The following CAMTA1 variants were observed in gnomAD, a reference collection of about 807,000 sequenced individuals.
CAMTA1 encodes the protein calmodulin binding transcription activator 1.
A neutral mutation model predicts 170.9 loss-of-function variants in CAMTA1; 27 were observed. The ratio of observed to expected loss-of-function variants is 0.16; its 90% confidence interval spans 0.12 to 0.22. CAMTA1 has a LOEUF of 0.22. Among genes scored for constraint, CAMTA1 ranks in the 10% least tolerant of loss-of-function variants. The pLI is 1.00. For synonymous variants in CAMTA1, 833 were observed against 891.5 expected (o/e 0.93, Z 1.17); for missense variants, 1,619 against 2,217.2 (o/e 0.73, Z 5.42).
At chr1:6,993,166 A>G (rs905230309) in intron 3 of CAMTA1, among the ~76,000 whole-genome samples, 3 of 152,160 alleles carry the variant, frequency 2.0e-5, no homozygotes, top group Non-Finnish European at 4.4e-5. Flanking sequence ...CTCCAACTTT[A>G]CTTTTTCAAA....
intron 5 of CAMTA1, among the ~76,000 whole-genome samples, chr1:7,278,210 A>T (rs1046007127): frequency 6.6e-6 from 1 of 152,240 alleles, no homozygotes; most frequent in Admixed American, 6.5e-5. Flanking sequence ...ATTAACAAAC[A>T]TGCCCCACCC....
chr1:7,435,665 A>G lies in CAMTA1; in HGVS notation c.439-32165A>G, dbSNP rs1006557529. ...AGAACCAGGCAGCCTCCTTCTGACC[A>G]GGCAAGGGCTGGCCGCCGTTCTCAT... On this transcript the variant is annotated intron_variant, in intron 5 of 22. Transcript: ENST00000303635. The surrounding 1 kb of genome is among the most constrained non-coding windows in gnomAD (Gnocchi z 4.4). Among the ~76,000 whole-genome samples, 1 of 152,170 alleles carries G rather than the reference A, an allele frequency of 6.6e-6. No individual in the cohort carries two copies. The highest frequency in any genetic ancestry group is 2.4e-5 in the African/African-American group (1 of 41,452).
At chr1:7,569,235 C>CCATCAT (rs1186670932) in intron 6 of CAMTA1, among the ~76,000 whole-genome samples, 4,973 of 149,300 alleles carry the variant, frequency 0.033, 288 homozygotes, top group African/African-American at 0.12. Flanking sequence ...ATCATCATCA[C>CCATCAT]CATCATCATC....
At chr1:7,364,975 G>A (rs929116122) in intron 5 of CAMTA1, among the ~76,000 whole-genome samples, 5 of 152,258 alleles carry the variant, frequency 3.3e-5, no homozygotes, top group African/African-American at 1.2e-4. Flanking sequence ...TGTAGTGGAT[G>A]TCCTTAGGCT....
chr1:7,758,799 G>T (rs2096951874), intron 22 of CAMTA1, among the ~76,000 whole-genome samples: 1 of 151,986 alleles, frequency 6.6e-6, no homozygotes, highest in Non-Finnish European at 1.5e-5. Flanking sequence ...GCCGGTTGCG[G>T]TGGCGGGCGC....
At chr1:6,829,542 C>G (rs553782967) in intron 3 of CAMTA1, among the ~76,000 whole-genome samples, 10 of 152,314 alleles carry the variant, frequency 6.6e-5, no homozygotes, top group Non-Finnish European at 1.3e-4. Flanking sequence ...ATTATGGAAG[C>G]CAGTATGTAT....
intron 11 of CAMTA1, among the ~76,000 whole-genome samples, chr1:7,683,289 A>C (rs1267666177): frequency 2.0e-5 from 3 of 152,156 alleles, no homozygotes; most frequent in Non-Finnish European, 4.4e-5. Flanking sequence ...TTTCCTTGCT[A>C]AATAATGTAA....
In CAMTA1 at chr1:7,718,236, T is replaced by C. The variant is rs112284259; in HGVS notation, c.2915-14212T>C. On this transcript the variant is annotated intron_variant, in intron 11 of 22. Coordinates refer to ENST00000303635, the MANE Select transcript of CAMTA1 (RefSeq NM_015215.4). ...GTGGGCGTTCCGTAAACACAGTGGG[T>C]GTTCCGTAAACACAGTGGGCGTTCC... Among the ~76,000 whole-genome samples the C allele has an allele frequency of 5.7e-3, 827 of 144,454 alleles. 8 individuals carry two copies. Among genetic ancestry groups the C allele is most frequent in the African/African-American group, 0.023 (788 of 34,542 alleles). The allele number at this position is 144,454 out of a possible 152,430, so 94.8% of individuals were successfully genotyped here.
chr1:7,542,758 G>A (rs1181686790), intron 6 of CAMTA1, among the ~76,000 whole-genome samples: 1 of 151,792 alleles, frequency 6.6e-6, no homozygotes, highest in Non-Finnish European at 1.5e-5. Flanking sequence ...TGAACTCCTG[G>A]CCTCAAGTGA....
rs80162265 is a variant in CAMTA1 at position 7,440,825 on chromosome 1, C to T, written c.439-27005C>T. On this transcript the variant is annotated intron_variant, in intron 5 of 22. Coordinates refer to ENST00000303635, the MANE Select transcript of CAMTA1 (RefSeq NM_015215.4). Reference sequence around the variant, plus strand: ...ACCCCTCGGTTTCCTTAGCCGATGGCGATGGTTTGATTACTTCATCACACT... The same window carrying T: ...ACCCCTCGGTTTCCTTAGCCGATGGTGATGGTTTGATTACTTCATCACACT... 9.7e-3 allele frequency among the ~76,000 whole-genome samples: 1,480 copies of T among 152,288 alleles called. 21 individuals carry two copies. The highest frequency in any genetic ancestry group is 0.034 in the African/African-American group (1,395 of 41,548).
chr1:7,705,850 T>C (rs1427527697), intron 11 of CAMTA1, among the ~76,000 whole-genome samples: 2 of 152,164 alleles, frequency 1.3e-5, no homozygotes, highest in Non-Finnish European at 2.9e-5. Context: ...TTCTGAGAGC[T>C]TTGCTTCCCT....
chr1:7,441,371 T>TGC (rs1297906071), intron 5 of CAMTA1: 1 of 152,222 alleles, frequency 6.6e-6, no homozygotes. Flanking sequence ...TTACATTAAG[T>TGC]GTCTGCTGTA....
At chr1:7,403,247 G>A (rs951672819) in intron 5 of CAMTA1, among the ~76,000 whole-genome samples, 3 of 152,088 alleles carry the variant, frequency 2.0e-5, no homozygotes, top group African/African-American at 2.4e-5. Flanking sequence ...CCAGCTACTC[G>A]AGAGGCTGAG....
intron 5 of CAMTA1, among the ~76,000 whole-genome samples, chr1:7,327,189 G>A (rs2082734872): frequency 6.6e-6 from 1 of 152,032 alleles, no homozygotes; most frequent in Non-Finnish European, 1.5e-5. Context: ...GGCCGAGGCA[G>A]GCGGATCACG....
At chr1:7,382,189 T>C (rs2087416541) in intron 5 of CAMTA1, among the ~76,000 whole-genome samples, 1 of 152,230 alleles carries the variant, frequency 6.6e-6, no homozygotes, top group Non-Finnish European at 1.5e-5. Context: ...TAGGCTTCAC[T>C]CTGAGTGTCC....
chr1:6,877,105 G>A (rs756548590), intron 3 of CAMTA1, among the ~76,000 whole-genome samples: 4 of 152,294 alleles, frequency 2.6e-5, no homozygotes, highest in South Asian at 4.1e-4. Flanking sequence ...GGATGGCGGA[G>A]AGCAGAGGCA....
chr1:7,065,087 G>A lies in CAMTA1; in HGVS notation c.235-26217G>A, dbSNP rs2101808886. Among the ~76,000 whole-genome samples, 1 of 152,304 alleles carries A rather than the reference G, an allele frequency of 6.6e-6. No individual in the cohort carries two copies. Among genetic ancestry groups the A allele is most frequent in the South Asian group, 2.1e-4 (1 of 4,822 alleles). On this transcript the variant is annotated intron_variant, in intron 3 of 22. Transcript: ENST00000303635. This position sits in a 1 kb window ranked among gnomAD's most constrained non-coding sequence, Gnocchi z 5.2. ...AATCTCTGTTGCACACGTTACATGT[G>A]GGATGCTCTTTATACAGCCAAATGG...
chr1:6,803,746 ACT>A (rs1466542808), intron 1 of CAMTA1, among the ~76,000 whole-genome samples: 1 of 152,182 alleles, frequency 6.6e-6, no homozygotes, highest in East Asian at 1.9e-4. Flanking sequence ...AGATGGTCTC[ACT>A]CTGTCATCCA....
chr1:7,082,948 C>G (rs1470625215), intron 3 of CAMTA1, among the ~76,000 whole-genome samples: 1 of 152,196 alleles, frequency 6.6e-6, no homozygotes, highest in African/African-American at 2.4e-5. Context: ...GGCCGTTACT[C>G]ATGTGTCTTT....
Sources: gnomAD v4.1 joint callset for allele counts (sites outside exome capture counted in the v4.1 genomes callset) on GRCh38, gnomAD v4.1.1 for gene constraint, Gnocchi (gnomAD v3.1) non-coding constraint, MANE v1.5 for transcripts, NCBI Gene and HGNC (gene_info 2026-07-23, HGNC 2026-07-21) for gene names.